KMT2E: variants seen among roughly 807,000 people sequenced by gnomAD.
KMT2E encodes the protein lysine methyltransferase 2E (inactive).
A neutral mutation model predicts 184.6 loss-of-function variants in KMT2E; 30 were observed. The observed-to-expected ratio is 0.16, with a 90% CI of 0.12 to 0.22. The LOEUF (loss-of-function observed/expected upper bound fraction) is 0.22. Ranked by LOEUF, KMT2E falls within the 10% of genes least tolerant of loss-of-function variation. The pLI is 1.00. For missense variants in KMT2E, 2,023 were observed against 2,237.4 expected, an observed-to-expected ratio of 0.90 and a Z score of 1.93; for synonymous variants, 815 against 776.5, an observed-to-expected ratio of 1.05 and a Z score of -0.82.
intron 15 of KMT2E, among the ~76,000 whole-genome samples, chr7:105,099,024 A>C (rs1460602057): frequency 6.6e-6 from 1 of 152,180 alleles, no homozygotes; most frequent in African/African-American, 2.4e-5. Flanking sequence ...TTTGTCTTTA[A>C]ATAGGTACCA....
At chr7:105,071,580 G>GTATATATATATATATA (rs1438005247) in intron 6 of KMT2E, among the ~76,000 whole-genome samples, 31 of 64,970 alleles carry the variant, frequency 4.8e-4, no homozygotes, top group Non-Finnish European at 6.4e-4. Flanking sequence ...GTATGTGTGT[G>GTATATATATATATATA]TGTATATATA....
intron 15 of KMT2E, among the ~76,000 whole-genome samples, chr7:105,093,281 T>A (rs1400042959): frequency 6.6e-6 from 1 of 152,206 alleles, no homozygotes; most frequent in Non-Finnish European, 1.5e-5. Flanking sequence ...TCAGATTGAA[T>A]TCTCTTTAAA....
chr7:105,084,401 G>A lies in KMT2E; in HGVS notation c.1358+2604G>A, dbSNP rs144945445. 3.6e-3 allele frequency among the ~76,000 whole-genome samples: 554 copies of A among 152,178 alleles called. 15 individuals are homozygous for A. In the East Asian group the frequency reaches 0.061, roughly 17 times the overall value. ...CAGCACTTGGGAGGCCAAGGCGGGC[G>A]GATTACTTGAGGCCAGGAGTTCAAG... On this transcript the variant is annotated intron_variant, in intron 13 of 26. Transcript: ENST00000311117.
Position 105,114,576 on chromosome 7 carries a change from T to TCTAC in KMT2E, c.*1246_*1249dup, listed in dbSNP as rs1314856655. 1.3e-5 allele frequency among the ~76,000 whole-genome samples: 2 copies of TCTAC among 152,244 alleles called. No individual in the cohort carries two copies. Among genetic ancestry groups the TCTAC allele is most frequent in the East Asian group, 3.8e-4 (2 of 5,206 alleles). On this transcript the variant is annotated 3_prime_UTR_variant, in exon 27 of 27. Coordinates refer to ENST00000311117, the MANE Select transcript of KMT2E (RefSeq NM_182931.3). Reference sequence around the variant, plus strand: ...ATTAAAAATTTCCCAGCCTTTGTCTTCTACCTCTGAGGATTCAGTAAGTAC... The same window carrying TCTAC: ...ATTAAAAATTTCCCAGCCTTTGTCTTCTACCTACCTCTGAGGATTCAGTAAGTAC...
chr7:105,016,357 C>G (rs539919928), intron 1 of KMT2E, among the ~76,000 whole-genome samples: 1 of 152,100 alleles, frequency 6.6e-6, no homozygotes, highest in Non-Finnish European at 1.5e-5. Context: ...AATCGTCTTA[C>G]AGCATACTAT....
intron 13 of KMT2E, among the ~76,000 whole-genome samples, chr7:105,084,989 ATGAT>A (rs563447243): frequency 2.3e-4 from 35 of 152,284 alleles, no homozygotes; most frequent in African/African-American, 7.9e-4. Context: ...ATGGTAATAA[ATGAT>A]AGAATAGACT....
chr7:105,019,686 C>CT (rs1344411617), intron 1 of KMT2E, among the ~76,000 whole-genome samples: 1 of 152,146 alleles, frequency 6.6e-6, no homozygotes, highest in Middle Eastern at 3.2e-3. Context: ...AAGCAATGAT[C>CT]TATGTAGCTT....
chr7:105,075,966 A>G (rs529314417), intron 8 of KMT2E, 77 bp from the exon 9 acceptor site: 3 of 1,175,158 alleles, frequency 2.6e-6, no homozygotes, highest in East Asian at 2.5e-5. Context: ...TAAAAGTTTC[A>G]ATGAACCAAT....
chr7:105,105,153 A>C lies in KMT2E; in HGVS notation c.2197-286A>C, dbSNP rs184885303. 2.8e-3 allele frequency: 666 copies of C among 234,380 alleles called. 1 individual carries two copies. Among genetic ancestry groups the C allele is most frequent in the Non-Finnish European group, 3.6e-3 (444 of 122,564 alleles). 14.5% of individuals were successfully genotyped at this position (234,380 alleles called of 1,614,324 possible). A position where few individuals can be genotyped will look rare whatever the true frequency, so the allele number is the denominator to read the frequency against. ...ACTGCACTCCAGCCTGATGACAGAG[A>C]TATCTTGTCTCAAAAAAAAAAGTAA... On this transcript the variant is annotated intron_variant, in intron 17 of 26. Coordinates refer to ENST00000311117, the MANE Select transcript of KMT2E (RefSeq NM_182931.3).
intron 5 of KMT2E, among the ~76,000 whole-genome samples, chr7:105,065,113 T>A (rs1796976626): frequency 6.6e-6 from 1 of 152,168 alleles, no homozygotes; most frequent in Non-Finnish European, 1.5e-5. Flanking sequence ...ATGACTCTAA[T>A]ATTTGTTACT....
At chr7:105,043,298 G>A (rs1261416059) in intron 3 of KMT2E, among the ~76,000 whole-genome samples, 2 of 148,740 alleles carry the variant, frequency 1.3e-5, no homozygotes, top group African/African-American at 2.5e-5. Context: ...GTGCAGTGGC[G>A]GGATCTCGGC....
intron 3 of KMT2E, among the ~76,000 whole-genome samples, chr7:105,060,475 A>C (rs1395728662): frequency 6.6e-6 from 1 of 151,986 alleles, no homozygotes; most frequent in African/African-American, 2.4e-5. Context: ...TGCCCAGGCT[A>C]GAGTGCAGTG....
At chr7:105,102,226 T>C (rs2129569529) in intron 17 of KMT2E, 32 bp downstream of exon 17, 1 of 1,523,712 alleles carries the variant, frequency 6.6e-7, no homozygotes. Context: ...GAACTGTTTT[T>C]CTAACAGTTT....
chr7:105,081,823 C>A, intron 13 of KMT2E, 26 bp downstream of exon 13: 3 of 958,424 alleles, frequency 3.1e-6, no homozygotes, highest in South Asian at 3.0e-5. Context: ...TAAATGTAAT[C>A]TGTTGTTTGA....
intron 15 of KMT2E, among the ~76,000 whole-genome samples, chr7:105,095,825 G>T (rs1275782047): frequency 6.6e-6 from 1 of 152,132 alleles, no homozygotes; most frequent in East Asian, 1.9e-4. Context: ...TAGTATATTT[G>T]TGGAGGTGGG....
intron 20 of KMT2E, among the ~76,000 whole-genome samples, 188 bp downstream of exon 20, chr7:105,106,960 CTT>C (rs1344180496): frequency 2.0e-5 from 3 of 152,094 alleles, no homozygotes; most frequent in Non-Finnish European, 2.9e-5. Context: ...ATGAGCATAA[CTT>C]TCATCTTGTT....
chr7:105,057,778 A>G (rs1380071570), intron 3 of KMT2E, among the ~76,000 whole-genome samples: 1 of 151,958 alleles, frequency 6.6e-6, no homozygotes, highest in Non-Finnish European at 1.5e-5. Context: ...ACAAATTCCC[A>G]TTTCTCTCAT....
At chr7:105,024,038 T>C (rs1013892214) in intron 1 of KMT2E, among the ~76,000 whole-genome samples, 1 of 152,216 alleles carries the variant, frequency 6.6e-6, no homozygotes, top group East Asian at 1.9e-4. Context: ...CTCATCAGTT[T>C]TATGTATTTT....
chr7:105,073,578 T>C (rs761544981), intron 6 of KMT2E, 41 bp from the exon 7 acceptor site: 1 of 1,228,598 alleles, frequency 8.1e-7, no homozygotes, highest in African/African-American at 1.5e-5. Context: ...CAGATCTGCT[T>C]CATGTATTTG....
Sources: gnomAD v4.1 joint callset for allele counts (sites outside exome capture counted in the v4.1 genomes callset) on GRCh38, gnomAD v4.1.1 for gene constraint, MANE v1.5 for transcripts, NCBI Gene and HGNC (gene_info 2026-07-23, HGNC 2026-07-21) for gene names.